The following PCDHA7 variants were observed in gnomAD, a reference collection of about 807,000 sequenced individuals.
The protein encoded by PCDHA7 is protocadherin alpha-7.
PCDHA7 carries 37 observed loss-of-function variants against 57.2 expected under a neutral mutation model. That is an observed-to-expected ratio of 0.65 (90% CI 0.50 to 0.85). The LOEUF (loss-of-function observed/expected upper bound fraction) is 0.85, where lower values mean the gene tolerates loss of function less well. PCDHA7 is among the 40% of genes least tolerant of loss of function. The probability of loss-of-function intolerance (pLI) is 0.00; values close to 1 mark genes in which losing one functional copy is unlikely to be tolerated. For missense variants in PCDHA7, 1,188 were observed against 1,241.8 expected (o/e 0.96, Z 0.65); for synonymous variants, 553 against 558.8 (o/e 0.99, Z 0.15).
chr5:140,844,298 GT>G (rs141549111), intron 1 of PCDHA7, among the ~76,000 whole-genome samples: 3,056 of 149,412 alleles, frequency 0.02, 290 homozygotes, highest in Non-Finnish European at 0.031. Flanking sequence ...AAATTTGATA[GT>G]TTTCATATTC....
In PCDHA7 at chr5:141,011,771, G is replaced by A. The variant is rs1327507093; in HGVS notation, c.*1834G>A. On this transcript the variant is annotated 3_prime_UTR_variant, in exon 4 of 4. Transcript: ENST00000525929. ...TCTGACCTCTTTGAAGTTGCAGAATGCTTTGAAATTCTAATGGTATCTGAA... is the reference window on the plus strand; with the variant it reads ...TCTGACCTCTTTGAAGTTGCAGAATACTTTGAAATTCTAATGGTATCTGAA... The A allele has an allele frequency of 1.3e-5, 2 of 153,698 alleles. No individual in the cohort carries two copies. The highest frequency in any genetic ancestry group is 4.8e-5 in the African/African-American group (2 of 41,424). The allele number at this position is 153,698 out of a possible 1,614,324, so 9.5% of individuals were successfully genotyped here.
At chr5:140,928,592 T>A in intron 1 of PCDHA7, 1 of 1,614,178 alleles carries the variant, frequency 6.2e-7, no homozygotes, top group Non-Finnish European at 8.5e-7. Flanking sequence ...TCTGTCCCAG[T>A]GGAAATTGTG....
At chr5:140,873,162 G>A (rs782467879) in intron 1 of PCDHA7, among the ~76,000 whole-genome samples, 21 of 152,108 alleles carry the variant, frequency 1.4e-4, no homozygotes, top group Non-Finnish European at 2.2e-4. Flanking sequence ...ACTTTAGATC[G>A]AGAGCTTTTG....
At chr5:140,855,432 A>T (rs2043465166) in intron 1 of PCDHA7, among the ~76,000 whole-genome samples, 1 of 150,022 alleles carries the variant, frequency 6.7e-6, no homozygotes, top group Non-Finnish European at 1.5e-5. Context: ...TCTAGTGATG[A>T]CTAGATCTTC....
At chr5:140,956,958 A>C (rs970237928) in intron 1 of PCDHA7, among the ~76,000 whole-genome samples, 4 of 134,798 alleles carry the variant, frequency 3.0e-5, no homozygotes, top group Non-Finnish European at 6.6e-5. Context: ...AAACACTGTA[A>C]TTAATCAGTC....
chr5:140,853,887 A>T lies in PCDHA7; in HGVS notation c.2355+17149A>T, dbSNP rs945674058. ...TGACAGTGCAAGTTTCTGTAATTTAAAAAGATGTGGTGGCCTGACACCTGC... is the reference window on the plus strand; with the variant it reads ...TGACAGTGCAAGTTTCTGTAATTTATAAAGATGTGGTGGCCTGACACCTGC... On this transcript the variant is annotated intron_variant, in intron 1 of 3. Transcript: ENST00000525929. 4 of 979,374 alleles carry T rather than the reference A, an allele frequency of 4.1e-6. 1 individual carries two copies. The Admixed American group carries it at 1.9e-4, about 46-fold the overall frequency. 60.7% of individuals were successfully genotyped at this position (979,374 alleles called of 1,614,324 possible).
intron 1 of PCDHA7, chr5:140,876,581 C>G (rs782654448): frequency 1.9e-6 from 3 of 1,614,200 alleles, no homozygotes; most frequent in Non-Finnish European, 2.5e-6. Flanking sequence ...ACCGTCATTG[C>G]CCTGATTAGC....
intron 1 of PCDHA7, among the ~76,000 whole-genome samples, chr5:140,886,356 T>C (rs1457178977): frequency 1.3e-5 from 2 of 152,194 alleles, no homozygotes; most frequent in South Asian, 2.1e-4. Flanking sequence ...GTTTGTTACA[T>C]AGGTGTACAT....
intron 1 of PCDHA7, among the ~76,000 whole-genome samples, chr5:140,890,162 A>G (rs1433054233): frequency 6.6e-6 from 1 of 152,184 alleles, no homozygotes; most frequent in Non-Finnish European, 1.5e-5. Context: ...TATTTCTGCC[A>G]CAGAAATAGG....
chr5:140,835,419 A>T lies in PCDHA7; in HGVS notation c.1036A>T (p.Asn346Tyr). ...TGTGGAAGTTGTGGATGTAAATGAC[A>T]ATGCTCCACAGTTGACTCTCACTTC... ...VLVEVVDVNDNAPQLTLTSLS... is the reference protein window; with the variant it reads ...VLVEVVDVNDYAPQLTLTSLS... The change falls in exon 1 of 4, where the codon AAT (asparagine) becomes TAT (tyrosine). Residue 346 changes from asparagine (N) to tyrosine (Y), a missense_variant. Coordinates refer to ENST00000525929, the MANE Select transcript of PCDHA7 (RefSeq NM_018910.3). The T allele has an allele frequency of 6.2e-7, 1 of 1,613,974 alleles. No homozygotes were observed. The highest frequency in any genetic ancestry group is 8.5e-7 in the Non-Finnish European group (1 of 1,179,872).
intron 3 of PCDHA7, among the ~76,000 whole-genome samples, chr5:140,985,009 C>T (rs567801905): frequency 9.3e-4 from 141 of 152,162 alleles, no homozygotes; most frequent in African/African-American, 3.3e-3. Flanking sequence ...ACGATATCGG[C>T]TCACAGCAAC....
At chr5:140,884,435 T>C (rs1554181555) in intron 1 of PCDHA7, 1 of 1,613,872 alleles carries the variant, frequency 6.2e-7, no homozygotes, top group East Asian at 2.2e-5. Flanking sequence ...TGCGCTGCGG[T>C]GCTCGGCACC....
intron 1 of PCDHA7, chr5:140,969,237 C>T (rs1278018540): frequency 6.2e-7 from 1 of 1,614,156 alleles, no homozygotes; most frequent in African/African-American, 1.3e-5. Flanking sequence ...GGAGCCCAAG[C>T]AGCAGTGACT....
rs1554136884 is a variant in PCDHA7, at chr5:140,838,094, G to A, written c.2355+1356G>A. 2.8e-5 allele frequency among the ~76,000 whole-genome samples: 4 copies of A among 144,632 alleles called. 1 individual carries two copies. The highest frequency in any genetic ancestry group is 1.0e-4 in the African/African-American group (4 of 38,254). 94.9% of individuals were successfully genotyped at this position (144,632 alleles called of 152,430 possible). A position where few individuals can be genotyped will look rare whatever the true frequency, so the allele number is the denominator to read the frequency against. On this transcript the variant is annotated intron_variant, in intron 1 of 3. Transcript: ENST00000525929. ...ATATATATAGTGTGTGTGTGTGTGTGTGTGTGTGTGTGTGTGTGTGTGTGT... is the reference window on the plus strand; with the variant it reads ...ATATATATAGTGTGTGTGTGTGTGTATGTGTGTGTGTGTGTGTGTGTGTGT...
chr5:140,992,017 C>CTGTGTGTGTGTG (rs10602499), intron 3 of PCDHA7, among the ~76,000 whole-genome samples: 10 of 145,628 alleles, frequency 6.9e-5, no homozygotes, highest in African/African-American at 2.3e-4. Flanking sequence ...AGAGGTGGCT[C>CTGTGTGTGTGTG]TGTGTGTGTG....
intron 1 of PCDHA7, chr5:140,850,770 T>C (rs2150497616): frequency 6.3e-7 from 1 of 1,598,038 alleles, no homozygotes; most frequent in Non-Finnish European, 8.6e-7. Flanking sequence ...GCAGAGGGTG[T>C]GCTCTGGCGA....
At chr5:140,837,391 T>A (rs1444543611) in intron 1 of PCDHA7, among the ~76,000 whole-genome samples, 1 of 152,024 alleles carries the variant, frequency 6.6e-6, no homozygotes, top group East Asian at 1.9e-4. Context: ...GTTCCTTGTT[T>A]GTATAAGAAA....
intron 1 of PCDHA7, chr5:140,870,556 G>A (rs782048917): frequency 8.1e-6 from 13 of 1,614,038 alleles, no homozygotes; most frequent in Middle Eastern, 1.7e-4. Flanking sequence ...GGACGCGCAG[G>A]AGAACGCGCT....
chr5:140,996,799 T>C (rs1372599057), intron 3 of PCDHA7, among the ~76,000 whole-genome samples: 3 of 152,306 alleles, frequency 2.0e-5, no homozygotes, highest in African/African-American at 7.2e-5. Context: ...CTACATCCAA[T>C]CATGCTTTCC....
Sources: gnomAD v4.1 joint callset for allele counts (sites outside exome capture counted in the v4.1 genomes callset) on GRCh38, gnomAD v4.1.1 for gene constraint, MANE v1.5 for transcripts, NCBI Gene and HGNC (gene_info 2026-07-23, HGNC 2026-07-21) for gene names.